The following CAMSAP2 variants were observed in gnomAD, a reference collection of about 807,000 sequenced individuals.
CAMSAP2 encodes calmodulin-regulated spectrin-associated protein 2.
A neutral mutation model predicts 146.1 loss-of-function variants in CAMSAP2; 26 were observed. That is an observed-to-expected ratio of 0.18 (90% CI 0.13 to 0.25). CAMSAP2 has a LOEUF of 0.25. Ranked by LOEUF, CAMSAP2 falls within the 10% of genes least tolerant of loss-of-function variation. CAMSAP2 has a pLI of 1.00. For synonymous variants in CAMSAP2, 499 were observed against 596.6 expected, an observed-to-expected ratio of 0.84 and a Z score of 2.38; for missense variants, 1,381 against 1,759.3, an observed-to-expected ratio of 0.78 and a Z score of 3.85.
At chr1:200,743,602 A>G (rs1664237447) in intron 1 of CAMSAP2, among the ~76,000 whole-genome samples, 1 of 151,946 alleles carries the variant, frequency 6.6e-6, no homozygotes, top group African/African-American at 2.4e-5. Context: ...AAAAAAAAGA[A>G]GTTCATGAGG....
Position 200,739,789 on chromosome 1 carries a change from A to G in CAMSAP2, c.-39A>G, listed in dbSNP as rs780273666. 1.3e-6 allele frequency: 2 copies of G among 1,596,384 alleles called. No homozygotes were observed. The highest frequency in any genetic ancestry group is 1.1e-5 in the South Asian group (1 of 89,050). On this transcript the variant is annotated 5_prime_UTR_variant, in exon 1 of 17. Coordinates refer to ENST00000358823, the MANE Select transcript of CAMSAP2 (RefSeq NM_203459.4). The surrounding 1 kb of genome is among the most constrained non-coding windows in gnomAD (Gnocchi z 4.8). ...GTGGTGGCGAGGCCACGCCATGTGA[A>G]GGTTAGGGCCGGGACATCCCGAGGA...
chr1:200,745,882 T>C (rs755808625), intron 1 of CAMSAP2, among the ~76,000 whole-genome samples: 8 of 152,236 alleles, frequency 5.3e-5, no homozygotes, highest in Non-Finnish European at 1.0e-4. Context: ...TTTTCTATTA[T>C]CTACCCTTTA....
Position 200,857,912 on chromosome 1 carries a change from T to C in CAMSAP2, c.4290T>C (p.Leu1430=), listed in dbSNP as rs1444474401. ...KSITKKMIEG[L]YKYNSDRKQF... ...TCACTAAAAAAATGATTGAAGGACTTTACAAATATAATTCTGACAGGAAAC... is the reference window on the plus strand; with the variant it reads ...TCACTAAAAAAATGATTGAAGGACTCTACAAATATAATTCTGACAGGAAAC... Residue 1430 remains leucine (L), a synonymous_variant, in exon 17 of 17, where the codon CTT becomes CTC. Coordinates refer to ENST00000358823, the MANE Select transcript of CAMSAP2 (RefSeq NM_203459.4). The surrounding 1 kb of genome is among the most constrained non-coding windows in gnomAD (Gnocchi z 4.7). The C allele has an allele frequency of 3.7e-6, 6 of 1,613,876 alleles. No homozygotes were observed. The highest frequency in any genetic ancestry group is 1.1e-5 in the South Asian group (1 of 91,066).
intron 2 of CAMSAP2, among the ~76,000 whole-genome samples, chr1:200,779,012 G>A (rs1252186754): frequency 1.3e-5 from 2 of 152,272 alleles, no homozygotes; most frequent in Admixed American, 6.5e-5. Flanking sequence ...TTGCTTGTTA[G>A]CAAATTGGGA....
At chr1:200,784,925 C>T (rs1017905103) in intron 2 of CAMSAP2, among the ~76,000 whole-genome samples, 1 of 152,112 alleles carries the variant, frequency 6.6e-6, no homozygotes, top group Non-Finnish European at 1.5e-5. Flanking sequence ...TTCTGTTCCA[C>T]GTTTGCTAAG....
chr1:200,837,556 G>T (rs929977159), intron 6 of CAMSAP2, among the ~76,000 whole-genome samples: 1 of 151,962 alleles, frequency 6.6e-6, no homozygotes, highest in African/African-American at 2.4e-5. Flanking sequence ...GGGTATTCAG[G>T]TTCTTTTTTG....
At chr1:200,828,649 T>C (rs1666964840) in intron 4 of CAMSAP2, 2 of 1,519,094 alleles carry the variant, frequency 1.3e-6, no homozygotes, top group Non-Finnish European at 8.9e-7. Context: ...AGAATTGTAA[T>C]TGTAGAATGG....
Position 200,857,039 on chromosome 1 carries a change from T to C in CAMSAP2, c.4013-267T>C, listed in dbSNP as rs565606806. Reference sequence around the variant, plus strand: ...TATAGATTTAAGAAAGAAGGTTAAATAGGCAGTATGACAGTTATAGCAATA... The same window carrying C: ...TATAGATTTAAGAAAGAAGGTTAAACAGGCAGTATGACAGTTATAGCAATA... On this transcript the variant is annotated intron_variant, in intron 15 of 16. Transcript: ENST00000358823. This position sits in a 1 kb window ranked among gnomAD's most constrained non-coding sequence, Gnocchi z 4.7. Among the ~76,000 whole-genome samples the C allele has an allele frequency of 7.9e-4, 121 of 152,274 alleles. No individual in the cohort carries two copies. The highest frequency in any genetic ancestry group is 3.4e-3 in the Middle Eastern group (1 of 294).
chr1:200,789,941 A>G (rs1297938766), intron 2 of CAMSAP2, among the ~76,000 whole-genome samples: 4 of 152,154 alleles, frequency 2.6e-5, no homozygotes, highest in Admixed American at 2.6e-4. Flanking sequence ...AATTTCAAAT[A>G]CCACTTGTTC....
At chr1:200,818,834 A>G (rs915358113) in intron 4 of CAMSAP2, among the ~76,000 whole-genome samples, 1 of 152,072 alleles carries the variant, frequency 6.6e-6, no homozygotes, top group East Asian at 1.9e-4. Flanking sequence ...TTTTATTGCT[A>G]TACAGTTGGT....
intron 4 of CAMSAP2, among the ~76,000 whole-genome samples, chr1:200,824,726 C>A (rs931433184): frequency 6.6e-6 from 1 of 152,186 alleles, no homozygotes; most frequent in Non-Finnish European, 1.5e-5. Context: ...AGCCTATAAT[C>A]CCCGCACTTT....
intron 2 of CAMSAP2, among the ~76,000 whole-genome samples, chr1:200,773,344 C>G (rs950952022): frequency 6.6e-6 from 1 of 151,528 alleles, no homozygotes; most frequent in Non-Finnish European, 1.5e-5. Flanking sequence ...ACCTCTGCCT[C>G]CCAGGTTCAG....
intron 3 of CAMSAP2, among the ~76,000 whole-genome samples, chr1:200,809,621 C>G (rs975649988): frequency 6.6e-6 from 1 of 152,192 alleles, no homozygotes; most frequent in African/African-American, 2.4e-5. Context: ...ATCCCAGCTA[C>G]TCAGGAGGCT....
At chr1:200,817,050 A>G (rs532843647) in intron 4 of CAMSAP2, among the ~76,000 whole-genome samples, 5 of 141,176 alleles carry the variant, frequency 3.5e-5, no homozygotes, top group Non-Finnish European at 8.0e-5. Flanking sequence ...ACACACGTGT[A>G]TGTGTATACA....
intron 1 of CAMSAP2, among the ~76,000 whole-genome samples, chr1:200,758,218 G>A (rs1277516693): frequency 1.3e-5 from 2 of 152,142 alleles, no homozygotes; most frequent in African/African-American, 4.8e-5. Flanking sequence ...AGATAAATTT[G>A]TAATCCTGAT....
chr1:200,767,477 C>CT lies in CAMSAP2; in HGVS notation c.399+6397dup, dbSNP rs11298176. On this transcript the variant is annotated intron_variant, in intron 2 of 16. Coordinates refer to ENST00000358823, the MANE Select transcript of CAMSAP2 (RefSeq NM_203459.4). The stretch of plus-strand genomic sequence containing the variant: ...ATCCCAGGAACTTTGTGTTGTCCCT[C>CT]TTTTTTTTTTTTTTTTTTAAACATA... Among the ~76,000 whole-genome samples the CT allele has an allele frequency of 2.0e-3, 277 of 138,112 alleles. 3 individuals carry two copies. The highest frequency in any genetic ancestry group is 0.015 in the South Asian group (67 of 4,368). The allele number at this position is 138,112 out of a possible 152,430, so 90.6% of individuals were successfully genotyped here. A position where few individuals can be genotyped will look rare whatever the true frequency, so the allele number is the denominator to read the frequency against.
chr1:200,809,245 A>G (rs1223214207), intron 3 of CAMSAP2, among the ~76,000 whole-genome samples: 2 of 152,206 alleles, frequency 1.3e-5, no homozygotes, highest in Non-Finnish European at 2.9e-5. Context: ...ATCTGTAAAC[A>G]GTTTTGGATC....
chr1:200,791,889 C>T (rs1469620826), intron 2 of CAMSAP2, among the ~76,000 whole-genome samples: 1 of 151,900 alleles, frequency 6.6e-6, no homozygotes, highest in Middle Eastern at 3.2e-3. Context: ...TCGCTTGAAC[C>T]CAGGAGGCAG....
At chr1:200,746,924 A>G (rs1240838873) in intron 1 of CAMSAP2, among the ~76,000 whole-genome samples, 1 of 150,390 alleles carries the variant, frequency 6.6e-6, no homozygotes, top group Non-Finnish European at 1.5e-5. Context: ...CGGCCTAGTC[A>G]CATTTTTTTT....
Sources: allele counts gnomAD v4.1 joint callset (sites outside exome capture counted in the v4.1 genomes callset), GRCh38; gene constraint gnomAD v4.1.1; non-coding constraint Gnocchi (gnomAD v3.1); transcripts MANE v1.5; gene names NCBI Gene and HGNC (gene_info 2026-07-23, HGNC 2026-07-21).